NLRP1: variants seen among roughly 807,000 people sequenced by gnomAD.
NLRP1 encodes NLR family pyrin domain containing 1, also known as NACHT, LRR and PYD domains-containing protein 1.
Under a neutral mutation model 136.7 loss-of-function variants are expected in NLRP1, and 94 were observed. The ratio of observed to expected loss-of-function variants is 0.69; its 90% CI spans 0.58 to 0.82. The LOEUF (loss-of-function observed/expected upper bound fraction) is 0.82, where lower values mean the gene tolerates loss of function less well. Ranked by LOEUF, NLRP1 falls within the 40% of genes least tolerant of loss-of-function variation. The pLI is 0.00. For missense variants in NLRP1, 1,575 were observed against 1,802.7 expected, an observed-to-expected ratio of 0.87 and a Z score of 2.29; for synonymous variants, 690 against 725.1, an observed-to-expected ratio of 0.95 and a Z score of 0.78.
intron 3 of NLRP1, among the ~76,000 whole-genome samples, chr17:5,560,995 T>C (rs2151804833): frequency 6.6e-6 from 1 of 152,376 alleles, no homozygotes; most frequent in African/African-American, 2.4e-5. Context: ...CAACCTCTTC[T>C]GTTCTTTTCT....
intron 3 of NLRP1, among the ~76,000 whole-genome samples, chr17:5,564,351 C>G (rs1413217514): frequency 6.6e-6 from 1 of 152,156 alleles, no homozygotes; most frequent in Admixed American, 6.5e-5. Context: ...TCTTGCCCCC[C>G]ACTACTTTTC....
Position 5,558,613 on chromosome 17 carries a change from A to G in NLRP1, c.2083T>C (p.Ser695Pro), listed in dbSNP as rs564484112. 4.3e-6 allele frequency: 7 copies of G among 1,614,120 alleles called. No homozygotes were observed. The South Asian group carries it at 7.7e-5, about 18-fold the overall frequency. ...CACTGCATCAGGTTCCTCCCCTGAG[A>G]CAGCCGGCAGTGAAAGATGTTCTCC... ...EMENIFHCRLSQGRNLMQWVP... is the reference protein window; with the variant it reads ...EMENIFHCRLPQGRNLMQWVP... Residue 695 changes from serine to proline, a missense_variant, in exon 4 of 17, where the codon TCT becomes CCT. By Grantham distance (74) the Ser-to-Pro change is moderately conservative. Coordinates refer to ENST00000572272, the MANE Select transcript of NLRP1 (RefSeq NM_033004.4).
At chr17:5,575,553 C>T (rs1904927101) in intron 3 of NLRP1, among the ~76,000 whole-genome samples, 8 of 152,198 alleles carry the variant, frequency 5.3e-5, no homozygotes. Context: ...GTAAAGGGAT[C>T]AATTCAACAA....
chr17:5,515,885 C>A (rs1461380185), intron 15 of NLRP1, among the ~76,000 whole-genome samples: 1 of 151,176 alleles, frequency 6.6e-6, no homozygotes, highest in Non-Finnish European at 1.5e-5. Flanking sequence ...CTATTTAGCA[C>A]CTCCTTGTCT....
At position 5,567,814 on chromosome 17, in the gene NLRP1, GAT is replaced by G. The variant is rs1915493241; in HGVS notation, c.653-7773_653-7772del. On this transcript the variant is annotated intron_variant, in intron 3 of 16. Coordinates refer to ENST00000572272, the MANE Select transcript of NLRP1 (RefSeq NM_033004.4). The stretch of plus-strand genomic sequence containing the variant: ...CTTTATTTCTCCTTCATGTTTGAAA[GAT>G]ATTTTCACCAGATATACTATTTAGG... Among the ~76,000 whole-genome samples, 4 of 152,206 alleles carry G rather than the reference GAT, an allele frequency of 2.6e-5. No homozygotes were observed. In the South Asian group the frequency reaches 8.3e-4, roughly 32 times the overall value.
intron 11 of NLRP1, 33 bp from the exon 12 acceptor site, chr17:5,530,737 G>T: frequency 6.4e-7 from 1 of 1,555,856 alleles, no homozygotes; most frequent in Non-Finnish European, 8.8e-7. Flanking sequence ...GACACTTACT[G>T]CACGAACTCA....
At chr17:5,576,339 T>C (rs934219949) in intron 3 of NLRP1, among the ~76,000 whole-genome samples, 5 of 152,158 alleles carry the variant, frequency 3.3e-5, no homozygotes, top group Non-Finnish European at 7.3e-5. Context: ...ATCCAGGAGC[T>C]GGTTTTTTGA....
downstream of NLRP1, chr17:5,512,277 C>A: frequency 6.5e-7 from 1 of 1,536,946 alleles, no homozygotes; most frequent in Non-Finnish European, 9.0e-7. Context: ...TAGACAGGTG[C>A]CCCATTTCTC....
intron 15 of NLRP1, among the ~76,000 whole-genome samples, chr17:5,515,771 C>T (rs991620985): frequency 5.9e-5 from 9 of 152,166 alleles, no homozygotes; most frequent in East Asian, 3.8e-4. Flanking sequence ...TCCAAATGAG[C>T]GATAGCAATT....
chr17:5,572,007 C>G (rs978371757), intron 3 of NLRP1, among the ~76,000 whole-genome samples: 39 of 152,044 alleles, frequency 2.6e-4, no homozygotes, highest in African/African-American at 8.2e-4. Context: ...GAAAGCATTC[C>G]CTATTCAATA....
intron 9 of NLRP1, 79 bp from the exon 10 acceptor site, chr17:5,533,463 G>C (rs1388883696): frequency 1.4e-6 from 1 of 694,598 alleles, no homozygotes. Context: ...GGCGGAGGTG[G>C]GAGGATTGTT....
chr17:5,508,659 T>C (rs547836972), intron 15 of NLRP1, among the ~76,000 whole-genome samples: 182 of 152,286 alleles, frequency 1.2e-3, no homozygotes, highest in South Asian at 3.1e-3. Context: ...AAATGATATA[T>C]CTACTGCAAG....
At position 5,553,540 on chromosome 17, in the gene NLRP1, C is replaced by G. The variant is rs750284811; in HGVS notation, c.2374G>C (p.Val792Leu). 5.0e-6 allele frequency: 8 copies of G among 1,614,030 alleles called. No individual in the cohort carries two copies. Among genetic ancestry groups the G allele is most frequent in the Non-Finnish European group, 6.8e-6 (8 of 1,179,912 alleles). ...AGAATCTGCCAATAGGCATCTGTGA[C>G]TGGGACCCACCTGAACCTGAGGGGG... ...TMVVLFRWVP[V>L]TDAYWQILFS... is the part of the protein sequence containing the mutation. The change falls in exon 5 of 17, where the codon GTC becomes CTC. Residue 792 changes from valine (V) to leucine (L), a missense_variant. Coordinates refer to ENST00000572272, the MANE Select transcript of NLRP1 (RefSeq NM_033004.4).
chr17:5,544,199 T>C (rs1392198745), intron 5 of NLRP1, among the ~76,000 whole-genome samples: 4 of 152,164 alleles, frequency 2.6e-5, no homozygotes, highest in African/African-American at 9.7e-5. Flanking sequence ...CAGTGATTAT[T>C]GCCACGCTTT....
At chr17:5,516,046 GACA>G (rs1013184705) in intron 15 of NLRP1, among the ~76,000 whole-genome samples, 6 of 146,572 alleles carry the variant, frequency 4.1e-5, no homozygotes, top group African/African-American at 1.5e-4. Flanking sequence ...AGAAAAAACA[GACA>G]ACGACAAAAA....
intron 6 of NLRP1, among the ~76,000 whole-genome samples, chr17:5,540,991 C>T (rs1415707528): frequency 6.6e-6 from 1 of 152,170 alleles, no homozygotes; most frequent in Non-Finnish European, 1.5e-5. Flanking sequence ...TAACTTTGTG[C>T]ATCAAGGGAG....
rs766081243 is a variant in NLRP1 at position 5,517,866 on chromosome 17, T to C, written c.3937A>G (p.Ser1313Gly). The change falls in exon 15 of 17, where the codon AGC (serine) becomes GGC (glycine). Residue 1313 changes from serine to glycine, a missense_variant. Transcript: ENST00000572272. ...GAGAACAGCTGGTCTTCTCCAGGGC[T>C]TCGATAGCAGAGCTCCAGTTCCTGA... ...LPKELELCYR[S>G]PGEDQLFSEF... The C allele has an allele frequency of 2.5e-6, 4 of 1,614,052 alleles. No individual in the cohort carries two copies. In the South Asian group the frequency reaches 4.4e-5, roughly 18 times the overall value.
intron 15 of NLRP1, 33 bp downstream of exon 15, chr17:5,517,713 C>T: frequency 6.2e-7 from 1 of 1,613,106 alleles, no homozygotes; most frequent in South Asian, 1.1e-5. Context: ...TCTCCTCCCA[C>T]CTCTGAGTTC....
At chr17:5,547,275 A>C (rs1912798366) in intron 5 of NLRP1, among the ~76,000 whole-genome samples, 1 of 152,220 alleles carries the variant, frequency 6.6e-6, no homozygotes, top group Non-Finnish European at 1.5e-5. Flanking sequence ...CCCTAAATAC[A>C]TAGCACACAT....
Sources: gnomAD v4.1 joint callset for allele counts (sites outside exome capture counted in the v4.1 genomes callset) on GRCh38, gnomAD v4.1.1 for gene constraint, MANE v1.5 for transcripts, NCBI Gene and HGNC (gene_info 2026-07-23, HGNC 2026-07-21) for gene names.